VTI1A: variants seen among roughly 807,000 people sequenced by gnomAD.
VTI1A encodes vesicle transport through interaction with t-SNAREs 1A.
VTI1A carries 22 observed loss-of-function variants against 34.9 expected under a neutral mutation model. That is an observed-to-expected ratio of 0.63 (90% CI 0.45 to 0.90). The LOEUF is 0.90. Among genes scored for constraint, VTI1A ranks in the 40% least tolerant of loss-of-function variants. The pLI is 0.00. For synonymous variants in VTI1A, 87 were observed against 97.3 expected (o/e 0.89, Z 0.62); for missense variants, 268 against 275.6 (o/e 0.97, Z 0.20).
the VTI1A span, among the ~76,000 whole-genome samples, chr10:112,835,519 C>T: frequency 2.0e-5 from 3 of 152,134 alleles, no homozygotes; most frequent in Non-Finnish European, 2.9e-5. Context: ...CCAAGTGTCC[C>T]GTTACTGTAA....
At chr10:112,470,428 T>C (rs901366808) in intron 3 of VTI1A, among the ~76,000 whole-genome samples, 1 of 152,160 alleles carries the variant, frequency 6.6e-6, no homozygotes, top group Non-Finnish European at 1.5e-5. Context: ...TATACTGTAG[T>C]GCAGAAAAGC....
intron 7 of VTI1A, among the ~76,000 whole-genome samples, chr10:112,807,978 G>A (rs1260372240): frequency 6.6e-6 from 1 of 152,214 alleles, no homozygotes; most frequent in African/African-American, 2.4e-5. Flanking sequence ...AGCACTTTGG[G>A]AGGCCGAGGC....
chr10:112,855,298 A>C, the VTI1A span, among the ~76,000 whole-genome samples: 1 of 152,264 alleles, frequency 6.6e-6, no homozygotes, highest in East Asian at 1.9e-4. Context: ...AGAACAAAGG[A>C]ACCTGGCTTC....
At chr10:112,554,964 C>T (rs1401023888) in intron 5 of VTI1A, among the ~76,000 whole-genome samples, 1 of 152,076 alleles carries the variant, frequency 6.6e-6, no homozygotes, top group African/African-American at 2.4e-5. Context: ...CCCACATGCC[C>T]ATCTTCAAGA....
chr10:112,683,373 C>G (rs1367713306), intron 7 of VTI1A, among the ~76,000 whole-genome samples: 1 of 152,094 alleles, frequency 6.6e-6, no homozygotes, highest in African/African-American at 2.4e-5. Flanking sequence ...CCTGAGTGGT[C>G]TTTGGTAGAC....
intron 3 of VTI1A, among the ~76,000 whole-genome samples, chr10:112,492,801 G>A (rs1848877053): frequency 6.7e-6 from 1 of 150,352 alleles, no homozygotes; most frequent in South Asian, 2.1e-4. Flanking sequence ...AAAAAAAATT[G>A]ATTGAGTTAT....
chr10:112,488,112 A>T (rs1848704237), intron 3 of VTI1A, among the ~76,000 whole-genome samples: 1 of 152,216 alleles, frequency 6.6e-6, no homozygotes, highest in Admixed American at 6.5e-5. Flanking sequence ...AATTTAATTT[A>T]AACATGTTCC....
the VTI1A span, among the ~76,000 whole-genome samples, chr10:112,830,849 A>ATATATTTT: frequency 3.0e-5 from 1 of 33,496 alleles, no homozygotes; most frequent in African/African-American, 1.4e-4. Flanking sequence ...ATATATATAT[A>ATATATTTT]TTTTTTTTTT....
At chr10:112,830,851 T>TATATATATATATATA in the VTI1A span, among the ~76,000 whole-genome samples, 26 of 37,974 alleles carry the variant, frequency 6.8e-4, no homozygotes, top group Non-Finnish European at 9.9e-4. Context: ...ATATATATAT[T>TATATATATATATATA]TTTTTTTTTT....
Position 112,564,117 on chromosome 10 carries a change from GT to G in VTI1A, c.427+25802del, listed in dbSNP as rs747104298. On this transcript the variant is annotated intron_variant, in intron 5 of 7. Transcript: ENST00000393077. ...AAATTTCAATTTCACCCTGAAAATA[GT>G]TTTTTTTTTTTTTTAATTGACAAAT... Among the ~76,000 whole-genome samples the G allele has an allele frequency of 9.8e-3, 1,338 of 136,450 alleles. 10 individuals carry two copies. The highest frequency in any genetic ancestry group is 0.026 in the African/African-American group (962 of 37,414). 89.5% of individuals were successfully genotyped at this position (136,450 alleles called of 152,430 possible).
At chr10:112,614,541 C>A (rs1845446166) in intron 5 of VTI1A, among the ~76,000 whole-genome samples, 1 of 151,924 alleles carries the variant, frequency 6.6e-6, no homozygotes, top group Non-Finnish European at 1.5e-5. Flanking sequence ...GGGGATTCTC[C>A]AAAAAAATAA....
intron 5 of VTI1A, among the ~76,000 whole-genome samples, chr10:112,581,149 A>G (rs564170213): frequency 6.6e-6 from 1 of 152,322 alleles, no homozygotes; most frequent in South Asian, 2.1e-4. Context: ...AAGATGGAAC[A>G]CAGGGAGGAG....
intron 7 of VTI1A, among the ~76,000 whole-genome samples, chr10:112,686,226 C>T (rs1326848668): frequency 6.6e-6 from 1 of 152,106 alleles, no homozygotes; most frequent in Non-Finnish European, 1.5e-5. Flanking sequence ...GGCAGGTGAA[C>T]CACTTCTTTC....
chr10:112,846,221 C>T, the VTI1A span, among the ~76,000 whole-genome samples: 1 of 152,176 alleles, frequency 6.6e-6, no homozygotes. Context: ...ATTATCAGAA[C>T]TTTCATGTTC....
intron 7 of VTI1A, among the ~76,000 whole-genome samples, chr10:112,780,820 C>T (rs1852100786): frequency 6.6e-6 from 1 of 152,116 alleles, no homozygotes; most frequent in African/African-American, 2.4e-5. Context: ...CATTCTCCTC[C>T]TGGCTTTTTC....
intron 3 of VTI1A, among the ~76,000 whole-genome samples, chr10:112,480,328 A>T (rs1281408740): frequency 1.3e-5 from 2 of 152,190 alleles, no homozygotes; most frequent in African/African-American, 4.8e-5. Context: ...GTTCTTAACA[A>T]TTTTTTGTTA....
chr10:112,582,458 T>C (rs1843986678), intron 5 of VTI1A, among the ~76,000 whole-genome samples: 4 of 152,264 alleles, frequency 2.6e-5, no homozygotes, highest in African/African-American at 9.6e-5. Context: ...AAGGTCGCTG[T>C]TAAGTATGGA....
chr10:112,674,231 G>A (rs970389442), intron 7 of VTI1A, among the ~76,000 whole-genome samples: 1 of 152,222 alleles, frequency 6.6e-6, no homozygotes, highest in Admixed American at 6.5e-5. Flanking sequence ...AATTAGTGTA[G>A]CAAAATCTCA....
chr10:112,747,548 T>C (rs1850940199), intron 7 of VTI1A, among the ~76,000 whole-genome samples: 2 of 152,246 alleles, frequency 1.3e-5, no homozygotes, highest in South Asian at 4.1e-4. Context: ...GTTTCCGTTG[T>C]TGACCAAAAC....
Sources: allele counts gnomAD v4.1 joint callset (sites outside exome capture counted in the v4.1 genomes callset), GRCh38; gene constraint gnomAD v4.1.1; transcripts MANE v1.5; gene names NCBI Gene and HGNC (gene_info 2026-07-23, HGNC 2026-07-21).